Variants in RAPH1 observed in about 807,000 individuals in gnomAD.
RAPH1 encodes the protein ras-associated and pleckstrin homology domains-containing protein 1.
In RAPH1, 18 loss-of-function variants were observed where a neutral mutation model predicts 88.1. The observed-to-expected ratio is 0.20, with a 90% CI of 0.14 to 0.30. The LOEUF is 0.30. Among genes scored for constraint, RAPH1 ranks in the 10% least tolerant of loss-of-function variants. The pLI is 1.00. For missense variants in RAPH1, 1,448 were observed against 1,543.2 expected (o/e 0.94, Z 1.03); for synonymous variants, 587 against 559.0 (o/e 1.05, Z -0.71).
At chr2:203,530,686 GT>G (rs1690350086) in intron 1 of RAPH1, among the ~76,000 whole-genome samples, 2 of 152,164 alleles carry the variant, frequency 1.3e-5, no homozygotes, top group African/African-American at 4.8e-5. Context: ...GAGGTCAGGA[GT>G]TCAAGATCAG....
At chr2:203,444,844 T>C (rs1356927669) in intron 13 of RAPH1, 24 bp downstream of exon 13, 1 of 1,608,750 alleles carries the variant, frequency 6.2e-7, no homozygotes, top group South Asian at 1.1e-5. Context: ...GAATTTTCAA[T>C]GTAAATTAAA....
chr2:203,511,999 G>A (rs1237515269), intron 1 of RAPH1, among the ~76,000 whole-genome samples: 1 of 151,900 alleles, frequency 6.6e-6, no homozygotes, highest in South Asian at 2.1e-4. Flanking sequence ...TATAGTCCCA[G>A]CTACTCGGGA....
At chr2:203,477,624 G>A (rs967413152) in intron 4 of RAPH1, among the ~76,000 whole-genome samples, 1 of 152,062 alleles carries the variant, frequency 6.6e-6, no homozygotes, top group East Asian at 1.9e-4. Context: ...CATTTATCAT[G>A]AGGATCTTCA....
At chr2:203,489,448 C>G (rs1688141663) in intron 4 of RAPH1, 136 bp downstream of exon 4, 1 of 616,664 alleles carries the variant, frequency 1.6e-6, no homozygotes, top group African/African-American at 1.9e-5. Context: ...CTTCTGTACT[C>G]TTGAAACCTA....
chr2:203,529,970 C>T (rs751488010), intron 1 of RAPH1, among the ~76,000 whole-genome samples: 2 of 152,292 alleles, frequency 1.3e-5, no homozygotes, highest in Non-Finnish European at 2.9e-5. Flanking sequence ...GTATTTTATA[C>T]CTAAACTGGC....
chr2:203,479,447 T>C (rs906869333), intron 4 of RAPH1, among the ~76,000 whole-genome samples: 2 of 151,554 alleles, frequency 1.3e-5, no homozygotes, highest in Non-Finnish European at 2.9e-5. Flanking sequence ...CTACTGAAAA[T>C]ACAAAAAATA....
At chr2:203,468,603 G>A (rs2098530517) in intron 4 of RAPH1, among the ~76,000 whole-genome samples, 1 of 151,338 alleles carries the variant, frequency 6.6e-6, no homozygotes, top group African/African-American at 2.5e-5. Context: ...GCTTGTCACT[G>A]TTTATTATCT....
Position 203,434,522 on chromosome 2 carries a change from TC to T in RAPH1, c.*4914del, listed in dbSNP as rs2098496762. The T allele has an allele frequency of 6.6e-6, 1 of 151,282 alleles. No individual in the cohort carries two copies. Among genetic ancestry groups the T allele is most frequent in the Admixed American group, 6.6e-5 (1 of 15,132 alleles). The allele number at this position is 151,282 out of a possible 1,614,324, so 9.4% of individuals were successfully genotyped here. A position where few individuals can be genotyped will look rare whatever the true frequency, so the allele number is the denominator to read the frequency against. ...AATGAAGCAAAATTGTTTGAAACATTCCAGTTAATGCTTATTTTCTAGAAGG... is the reference window on the plus strand; with the variant it reads ...AATGAAGCAAAATTGTTTGAAACATTCAGTTAATGCTTATTTTCTAGAAGG... On this transcript the variant is annotated 3_prime_UTR_variant, in exon 14 of 14. Transcript: ENST00000319170.
intron 1 of RAPH1, among the ~76,000 whole-genome samples, chr2:203,523,058 C>T (rs1255744451): frequency 2.0e-5 from 3 of 151,842 alleles, no homozygotes; most frequent in African/African-American, 4.8e-5. Context: ...AATGGAAAGT[C>T]CAGGAATAGA....
chr2:203,471,170 AGTATTT>A (rs2098532776), intron 4 of RAPH1, among the ~76,000 whole-genome samples: 3 of 152,248 alleles, frequency 2.0e-5, no homozygotes. Context: ...ATTCCAAATT[AGTATTT>A]AACAGTACAT....
chr2:203,439,371 C>T lies in RAPH1; in HGVS notation c.*66G>A. The T allele has an allele frequency of 6.8e-7, 1 of 1,478,092 alleles. No individual in the cohort carries two copies. Among genetic ancestry groups the T allele is most frequent in the Non-Finnish European group, 9.3e-7 (1 of 1,074,522 alleles). 91.6% of individuals were successfully genotyped at this position (1,478,092 alleles called of 1,614,324 possible). ...AGGAGGCTCTGAACACCTGAATTCA[C>T]AGATGATCAGGTGAGCTGATTGTAG... On this transcript the variant is annotated 3_prime_UTR_variant, in exon 14 of 14. Transcript: ENST00000319170.
intron 4 of RAPH1, among the ~76,000 whole-genome samples, chr2:203,471,401 CAGG>C (rs1048301163): frequency 6.6e-6 from 1 of 152,142 alleles, no homozygotes; most frequent in Non-Finnish European, 1.5e-5. Context: ...CTCTTGAGGT[CAGG>C]AGTTTAAGAC....
chr2:203,447,889 G>A (rs2098511386), intron 12 of RAPH1, 70 bp downstream of exon 12: 4 of 1,496,238 alleles, frequency 2.7e-6, no homozygotes, highest in Non-Finnish European at 3.7e-6. Flanking sequence ...AAATTTCCAG[G>A]TCTACTATCA....
intron 1 of RAPH1, among the ~76,000 whole-genome samples, chr2:203,530,320 T>C (rs1398207452): frequency 2.0e-5 from 3 of 152,192 alleles, no homozygotes; most frequent in Admixed American, 6.5e-5. Context: ...TTCAAATACA[T>C]TATGTTAATT....
chr2:203,485,224 C>T (rs979316120), intron 4 of RAPH1, among the ~76,000 whole-genome samples: 18 of 151,774 alleles, frequency 1.2e-4, no homozygotes, highest in South Asian at 4.2e-4. Flanking sequence ...GCCAACATGG[C>T]GAAACCCTGT....
In RAPH1 at chr2:203,440,120, G is replaced by C. The variant is rs371156191; in HGVS notation, c.3070C>G (p.Pro1024Ala). ...AGATTGAGTTTTCCAGGCTTGGGGG[G>C]TGCTGCAGGAGGTGGTAGGGTCTCC... ...SKETLPPPAA[P>A]PKPGKLNLSG... The change falls in exon 14 of 14, where the codon CCC becomes GCC. Residue 1024 changes from proline (P) to alanine (A), a missense_variant. Pro to Ala is a conservative substitution (Grantham distance 27). Transcript: ENST00000319170. The C allele has an allele frequency of 3.1e-6, 5 of 1,613,490 alleles. No homozygotes were observed. The highest frequency in any genetic ancestry group is 1.7e-5 in the Admixed American group (1 of 60,016).
chr2:203,529,477 T>C (rs1690290128), intron 1 of RAPH1, among the ~76,000 whole-genome samples: 1 of 152,194 alleles, frequency 6.6e-6, no homozygotes, highest in Admixed American at 6.5e-5. Context: ...TTCTCCTGCC[T>C]CAGCCTCCTG....
In RAPH1 at chr2:203,454,533, C is replaced by T; in HGVS notation, c.1310G>A (p.Arg437Gln). 13 of 1,611,110 alleles carry T rather than the reference C, an allele frequency of 8.1e-6. No homozygotes were observed. The highest frequency in any genetic ancestry group is 1.3e-5 in the African/African-American group (1 of 74,924). ...CAGCTGGAGAAAGCACACCAGATCC[C>T]GAGAGACCTAAGATAAAAACACCAA... ...YVPKGKAKVSRDLVCFLQLDH... is the reference protein window; with the variant it reads ...YVPKGKAKVSQDLVCFLQLDH... The change falls in exon 10 of 14, where the codon CGG becomes CAG. Residue 437 changes from arginine (R) to glutamine (Q), a missense_variant. Coordinates refer to ENST00000319170, the MANE Select transcript of RAPH1 (RefSeq NM_213589.3).
At position 203,445,022 on chromosome 2, in the gene RAPH1, A is replaced by G. The variant is rs757766570; in HGVS notation, c.1634-12T>C. 1.9e-6 allele frequency: 3 copies of G among 1,609,166 alleles called. No individual in the cohort carries two copies. Among genetic ancestry groups the G allele is most frequent in the Non-Finnish European group, 2.5e-6 (3 of 1,178,510 alleles). ...GTTTGACTGAGACTCTGTTTAAAAT[A>G]GTTTTTTAAACATAGGTTTAAAAGA... On this transcript the variant is annotated splice_polypyrimidine_tract_variant and intron_variant, in intron 12 of 13. Coordinates refer to ENST00000319170, the MANE Select transcript of RAPH1 (RefSeq NM_213589.3).
Sources: allele counts gnomAD v4.1 joint callset (sites outside exome capture counted in the v4.1 genomes callset), GRCh38; gene constraint gnomAD v4.1.1; transcripts MANE v1.5; gene names NCBI Gene and HGNC (gene_info 2026-07-23, HGNC 2026-07-21).